The following PLD3 variants were observed in gnomAD, a reference collection of about 807,000 sequenced individuals.
The protein encoded by PLD3 is phospholipase D family member 3.
Under a neutral mutation model 58.4 loss-of-function variants are expected in PLD3, and 31 were observed. The observed-to-expected ratio is 0.53, with a 90% CI of 0.40 to 0.72. The LOEUF (loss-of-function observed/expected upper bound fraction) is 0.72, where lower values mean the gene tolerates loss of function less well. PLD3 is among the 30% of genes least tolerant of loss of function. The pLI is 0.00. For synonymous variants in PLD3, 264 were observed against 273.4 expected, an observed-to-expected ratio of 0.97 and a Z score of 0.34; for missense variants, 595 against 659.8, an observed-to-expected ratio of 0.90 and a Z score of 1.08.
At chr19:40,367,937 G>T (rs2078970670) in intron 6 of PLD3, 58 bp downstream of exon 6, 1 of 1,424,368 alleles carries the variant, frequency 7.0e-7, no homozygotes, top group Non-Finnish European at 9.5e-7. Context: ...GGCAGCGGGG[G>T]CTGTGGGGAA....
chr19:40,355,836 A>C (rs1474619693), intron 1 of PLD3: 1 of 152,028 alleles, frequency 6.6e-6, no homozygotes, highest in Non-Finnish European at 1.5e-5. Flanking sequence ...GGAGAGACGA[A>C]CCCATCATTA....
At chr19:40,371,119 G>A (rs2079056989) in intron 8 of PLD3, among the ~76,000 whole-genome samples, 1 of 152,228 alleles carries the variant, frequency 6.6e-6, no homozygotes, top group African/African-American at 2.4e-5. Context: ...AGATGGAACA[G>A]GAAACAGCTT....
intron 1 of PLD3, among the ~76,000 whole-genome samples, chr19:40,362,956 G>T (rs2078822997): frequency 6.6e-6 from 1 of 151,128 alleles, no homozygotes; most frequent in African/African-American, 2.4e-5. Flanking sequence ...GTAGAGACTG[G>T]GCCTTGCTAT....
chr19:40,376,734 C>G lies in PLD3; in HGVS notation c.1145C>G (p.Ala382Gly), dbSNP rs2079213493. The change falls in exon 11 of 13, where the codon GCT (alanine) becomes GGT (glycine). Residue 382 changes from alanine to glycine, a missense_variant. Ala to Gly is a moderately conservative substitution (Grantham distance 60). Transcript: ENST00000409735. ...ATGCGGGCCTTCCTGCTCTCTCTGG[C>G]TGCCCTGCGTGACAACCATACCCAC... is the stretch of plus-strand genomic sequence containing the variant. ...PSMRAFLLSL[A>G]ALRDNHTHSD... 4 of 1,601,376 alleles carry G rather than the reference C, an allele frequency of 2.5e-6. No individual in the cohort carries two copies. The Admixed American group carries it at 5.0e-5, about 20-fold the overall frequency.
chr19:40,377,870 C>A lies in PLD3; in HGVS notation c.1270C>A (p.Arg424Ser), dbSNP rs201893308. ...VNHNKYMVTE[R>S]ATYIGTSNWS... ...CCACAACAAGTACATGGTGACTGAA[C>A]GCGCCACCTACATCGGTGAGTGTCT... The change falls in exon 12 of 13, where the codon CGC becomes AGC. Residue 424 changes from arginine to serine, a missense_variant. Physicochemically the swap from Arg to Ser is moderately radical, Grantham distance 110. Coordinates refer to ENST00000409735, the MANE Select transcript of PLD3 (RefSeq NM_012268.4). 6.2e-6 allele frequency: 10 copies of A among 1,613,712 alleles called. No individual in the cohort carries two copies. In the East Asian group the frequency reaches 2.0e-4, roughly 32 times the overall value.
Position 40,378,298 on chromosome 19 carries a change from C to A in PLD3, c.*125C>A. 1 of 888,168 alleles carries A rather than the reference C, an allele frequency of 1.1e-6. No homozygotes were observed. The allele number at this position is 888,168 out of a possible 1,614,324, so 55.0% of individuals were successfully genotyped here. ...CATTGTGGCTCCTCAGGCTCTCTCC[C>A]CTGCTCTCCCACCTCTACCTCCACC... On this transcript the variant is annotated 3_prime_UTR_variant, in exon 13 of 13. Coordinates refer to ENST00000409735, the MANE Select transcript of PLD3 (RefSeq NM_012268.4).
chr19:40,352,733 T>G (rs913352261), intron 1 of PLD3, among the ~76,000 whole-genome samples: 1 of 152,066 alleles, frequency 6.6e-6, no homozygotes. Flanking sequence ...GAGGTTGAGG[T>G]AGGCAGATCA....
chr19:40,360,520 T>A (rs1305287326), intron 1 of PLD3: 2 of 145,644 alleles, frequency 1.4e-5, no homozygotes, highest in East Asian at 4.0e-4. Context: ...GCCGAGACAG[T>A]CGATCATTTG....
At chr19:40,370,589 CTT>C (rs1296278795) in intron 8 of PLD3, 2 of 190,070 alleles carry the variant, frequency 1.1e-5, no homozygotes, top group African/African-American at 4.8e-5. Flanking sequence ...GGGAGGATCA[CTT>C]GAGCCCAGGA....
In PLD3 at chr19:40,377,836, C is replaced by A; in HGVS notation, c.1236C>A (p.Ala412=). ...ADEAQARIPY[A]RVNHNKYMVT... ...AGGCCCAGGCTCGAATCCCATATGC[C>A]CGTGTCAACCACAACAAGTACATGG... Residue 412 remains alanine (A), a synonymous_variant, in exon 12 of 13, where the codon GCC becomes GCA. Transcript: ENST00000409735. The A allele has an allele frequency of 6.2e-7, 1 of 1,614,012 alleles. No homozygotes were observed. Among genetic ancestry groups the A allele is most frequent in the Non-Finnish European group, 8.5e-7 (1 of 1,179,928 alleles).
Position 40,371,705 on chromosome 19 carries a change from C to T in PLD3, c.711C>T (p.Cys237=). 6.2e-7 allele frequency: 1 copy of T among 1,613,830 alleles called. No homozygotes were observed. The highest frequency in any genetic ancestry group is 8.5e-7 in the Non-Finnish European group (1 of 1,179,954). Reference sequence around the variant, plus strand: ...AGCTGGGCGTGGTCATGTACAACTGCAGCTGCCTGGCTCGAGACCTGACCA... The same window carrying T: ...AGCTGGGCGTGGTCATGTACAACTGTAGCTGCCTGGCTCGAGACCTGACCA... ...VKELGVVMYN[C]SCLARDLTKI... is the part of the protein sequence containing the mutation. The change falls in exon 9 of 13, where the codon TGC becomes TGT. Residue 237 remains cysteine, a synonymous_variant. Transcript: ENST00000409735.
At chr19:40,353,364 A>G (rs2078566497) in intron 1 of PLD3, among the ~76,000 whole-genome samples, 1 of 152,010 alleles carries the variant, frequency 6.6e-6, no homozygotes, top group Non-Finnish European at 1.5e-5. Context: ...TGGAAGATGG[A>G]GGTTGCTTTG....
intron 12 of PLD3, 41 bp from the exon 13 acceptor site, chr19:40,377,945 C>T (rs764734267): frequency 4.3e-6 from 7 of 1,611,642 alleles, no homozygotes; most frequent in East Asian, 2.2e-5. Flanking sequence ...CCAGGGGCGG[C>T]CCCCCGAGGG....
At chr19:40,370,345 T>G in intron 8 of PLD3, 108 bp downstream of exon 8, 1 of 1,257,498 alleles carries the variant, frequency 8.0e-7, no homozygotes, top group Non-Finnish European at 1.1e-6. Context: ...CCACCCATTC[T>G]CTGTAATGGC....
At chr19:40,368,129 C>T (rs1407847101) in intron 6 of PLD3, among the ~76,000 whole-genome samples, 1 of 152,080 alleles carries the variant, frequency 6.6e-6, no homozygotes, top group Non-Finnish European at 1.5e-5. Context: ...ATTAGGCTGG[C>T]AGATGTCACT....
At chr19:40,374,197 G>A (rs572868161) in intron 9 of PLD3, among the ~76,000 whole-genome samples, 16 of 152,224 alleles carry the variant, frequency 1.1e-4, no homozygotes, top group African/African-American at 3.4e-4. Context: ...GGGACCTTAC[G>A]TTGAGAAGCA....
At position 40,378,304 on chromosome 19, in the gene PLD3, C is replaced by T; in HGVS notation, c.*131C>T. 1.2e-6 allele frequency: 1 copy of T among 849,608 alleles called. No homozygotes were observed. The highest frequency in any genetic ancestry group is 2.0e-6 in the Non-Finnish European group (1 of 508,630). 52.6% of individuals were successfully genotyped at this position (849,608 alleles called of 1,614,324 possible). ...GGCTCCTCAGGCTCTCTCCCCTGCTCTCCCACCTCTACCTCCACCCCCACC... is the reference window on the plus strand; with the variant it reads ...GGCTCCTCAGGCTCTCTCCCCTGCTTTCCCACCTCTACCTCCACCCCCACC... On this transcript the variant is annotated 3_prime_UTR_variant, in exon 13 of 13. Transcript: ENST00000409735.
intron 6 of PLD3, 66 bp from the exon 7 acceptor site, chr19:40,369,842 G>C (rs781276058): frequency 7.6e-6 from 11 of 1,442,390 alleles, no homozygotes; most frequent in Non-Finnish European, 1.0e-5. Flanking sequence ...AACTCCACCG[G>C]GCATTACCTT....
Position 40,364,586 on chromosome 19 carries a change from T to A in PLD3, c.-278-1132T>A, listed in dbSNP as rs561327068. Among the ~76,000 whole-genome samples the A allele has an allele frequency of 2.0e-5, 3 of 151,330 alleles. No individual in the cohort carries two copies. The East Asian group carries it at 5.9e-4, about 30-fold the overall frequency. ...ACGGGCGGATCACGAGGTCAGGAGA[T>A]CGAGACCATCCTGGCTAACATGGTG... On this transcript the variant is annotated intron_variant, in intron 1 of 12. Transcript: ENST00000409735.
Sources: gnomAD v4.1 joint callset for allele counts (sites outside exome capture counted in the v4.1 genomes callset) on GRCh38, gnomAD v4.1.1 for gene constraint, MANE v1.5 for transcripts, NCBI Gene and HGNC (gene_info 2026-07-23, HGNC 2026-07-21) for gene names.